SPDYA: variants seen among roughly 807,000 people sequenced by gnomAD.
SPDYA encodes the protein speedy protein A.
In SPDYA, 11 loss-of-function variants were observed where a neutral mutation model predicts 36.7. The observed-to-expected ratio is 0.30, with a 90% CI of 0.19 to 0.50. The LOEUF is 0.50. Among genes scored for constraint, SPDYA ranks in the 20% least tolerant of loss-of-function variants. The pLI is 0.98. For missense variants in SPDYA, 287 were observed against 370.9 expected, an observed-to-expected ratio of 0.77 and a Z score of 1.86; for synonymous variants, 115 against 118.7, an observed-to-expected ratio of 0.97 and a Z score of 0.20.
chr2:28,845,505 G>A (rs1170171820), intron 7 of SPDYA, among the ~76,000 whole-genome samples: 1 of 152,184 alleles, frequency 6.6e-6, no homozygotes, highest in East Asian at 1.9e-4. Flanking sequence ...TGCATCCAAT[G>A]AATTACCAGC....
chr2:28,844,144 C>T (rs917307389), intron 7 of SPDYA, among the ~76,000 whole-genome samples: 1 of 152,152 alleles, frequency 6.6e-6, no homozygotes, highest in African/African-American at 2.4e-5. Flanking sequence ...AAAATTCTTA[C>T]ACTTAATGAA....
intron 1 of SPDYA, among the ~76,000 whole-genome samples, chr2:28,812,630 G>A (rs551019384): frequency 6.6e-6 from 1 of 151,966 alleles, no homozygotes; most frequent in South Asian, 2.1e-4. Flanking sequence ...GCCGAGGCGG[G>A]CCGATCACCT....
At chr2:28,829,077 C>A in intron 5 of SPDYA, 71 bp from the exon 6 acceptor site, 1 of 1,364,124 alleles carries the variant, frequency 7.3e-7, no homozygotes, top group Non-Finnish European at 1.0e-6. Flanking sequence ...ACTTTTATGT[C>A]TTGGTGTATG....
chr2:28,833,871 A>G (rs1668529449), intron 6 of SPDYA, among the ~76,000 whole-genome samples: 1 of 152,208 alleles, frequency 6.6e-6, no homozygotes, highest in Non-Finnish European at 1.5e-5. Context: ...GACATCATCA[A>G]AATTAAAACC....
intron 2 of SPDYA, 122 bp from the exon 3 acceptor site, chr2:28,815,875 T>C: frequency 6.3e-6 from 4 of 638,458 alleles, no homozygotes; most frequent in Non-Finnish European, 1.0e-5. Flanking sequence ...CTGTCACAAA[T>C]AACATTTTAA....
At chr2:28,817,625 C>T (rs1053706591) in intron 3 of SPDYA, among the ~76,000 whole-genome samples, 3 of 151,534 alleles carry the variant, frequency 2.0e-5, no homozygotes, top group Admixed American at 6.6e-5. Flanking sequence ...CCTGTAATCC[C>T]AGCACTTTAG....
chr2:28,821,205 T>C (rs1158938134), intron 4 of SPDYA, among the ~76,000 whole-genome samples: 137 of 140,134 alleles, frequency 9.8e-4, no homozygotes, highest in African/African-American at 3.5e-3. Context: ...TTCTTTTTTT[T>C]TTTTTTTTTT....
chr2:28,834,115 CTT>C (rs1268529929), intron 6 of SPDYA, among the ~76,000 whole-genome samples: 5 of 151,650 alleles, frequency 3.3e-5, no homozygotes, highest in Middle Eastern at 3.4e-3. Flanking sequence ...CACACACACA[CTT>C]GAAAAGATGT....
At chr2:28,829,422 T>G in intron 6 of SPDYA, 103 bp downstream of exon 6, 2 of 1,180,196 alleles carry the variant, frequency 1.7e-6, no homozygotes, top group Non-Finnish European at 2.3e-6. Flanking sequence ...TCTGGGTTTT[T>G]TTTTTTTTTC....
In SPDYA at chr2:28,850,271, C is replaced by T; in HGVS notation, c.*330C>T. 6.2e-7 allele frequency: 1 copy of T among 1,605,302 alleles called. No individual in the cohort carries two copies. The highest frequency in any genetic ancestry group is 8.5e-7 in the Non-Finnish European group (1 of 1,174,702). Reference sequence around the variant, plus strand: ...ATTTAAGAGAAGAAAAACATAAAGTCATTATATTAATTAAAAGAAAAAACA... The same window carrying T: ...ATTTAAGAGAAGAAAAACATAAAGTTATTATATTAATTAAAAGAAAAAACA... On this transcript the variant is annotated 3_prime_UTR_variant, in exon 8 of 8. Coordinates refer to ENST00000334056, the MANE Select transcript of SPDYA (RefSeq NM_182756.4).
At chr2:28,819,879 TA>T (rs1668111501) in intron 4 of SPDYA, among the ~76,000 whole-genome samples, 3 of 37,082 alleles carry the variant, frequency 8.1e-5, no homozygotes, top group South Asian at 1.1e-3. Context: ...TATATATATA[TA>T]TATATATATA....
chr2:28,829,529 G>A (rs1196486777), intron 6 of SPDYA, among the ~76,000 whole-genome samples: 4 of 151,550 alleles, frequency 2.6e-5, no homozygotes, highest in African/African-American at 4.9e-5. Context: ...ACTGTCAACC[G>A]GGCAAGCCCT....
chr2:28,822,929 T>C (rs1572496061), intron 5 of SPDYA, among the ~76,000 whole-genome samples: 1 of 152,180 alleles, frequency 6.6e-6, no homozygotes, highest in African/African-American at 2.4e-5. Context: ...GTATTCCTCT[T>C]CAATTTGTAT....
intron 5 of SPDYA, among the ~76,000 whole-genome samples, chr2:28,825,644 A>C (rs1308392874): frequency 1.3e-5 from 2 of 152,104 alleles, no homozygotes; most frequent in Non-Finnish European, 2.9e-5. Flanking sequence ...TATTTGTTTC[A>C]TGCTTACTTG....
chr2:28,827,058 C>G (rs537713615), intron 5 of SPDYA, among the ~76,000 whole-genome samples: 1 of 151,458 alleles, frequency 6.6e-6, no homozygotes, highest in African/African-American at 2.4e-5. Flanking sequence ...CCTGCCTCAG[C>G]CTCCCGAGTA....
chr2:28,846,722 T>TAC (rs58731880), intron 7 of SPDYA, among the ~76,000 whole-genome samples: 16,068 of 126,220 alleles, frequency 0.13, 988 homozygotes, highest in East Asian at 0.27. Context: ...AGAAGAAAAC[T>TAC]ACACACACAC....
At chr2:28,842,795 G>A (rs969119835) in intron 7 of SPDYA, among the ~76,000 whole-genome samples, 15 of 152,178 alleles carry the variant, frequency 9.9e-5, no homozygotes. Context: ...TTTTAATGGA[G>A]AGTGAGCTCA....
At chr2:28,817,712 G>A (rs542191325) in intron 3 of SPDYA, among the ~76,000 whole-genome samples, 1 of 151,272 alleles carries the variant, frequency 6.6e-6, no homozygotes, top group South Asian at 2.1e-4. Flanking sequence ...CCCATCAGGC[G>A]TGGTGGTGCA....
At chr2:28,829,115 A>G (rs1668409907) in intron 5 of SPDYA, 33 bp from the exon 6 acceptor site, 2 of 1,591,072 alleles carry the variant, frequency 1.3e-6, no homozygotes, top group Admixed American at 1.8e-5. Context: ...TCCTTTACCC[A>G]TTTCTTTTTT....
Sources: allele counts gnomAD v4.1 joint callset (sites outside exome capture counted in the v4.1 genomes callset), GRCh38; gene constraint gnomAD v4.1.1; transcripts MANE v1.5; gene names NCBI Gene and HGNC (gene_info 2026-07-23, HGNC 2026-07-21).